Variants in SLAIN1 observed in about 807,000 individuals in gnomAD.
SLAIN1 encodes SLAIN family member 1.
In SLAIN1, 17 loss-of-function variants were observed where a neutral mutation model predicts 55.4. That is an observed-to-expected ratio of 0.31 (90% confidence interval 0.21 to 0.46). SLAIN1 has a LOEUF of 0.46. Among genes scored for constraint, SLAIN1 ranks in the 20% least tolerant of loss-of-function variants. SLAIN1 has a pLI of 1.00. For missense variants in SLAIN1, 682 were observed against 785.1 expected (o/e 0.87, Z 1.57); for synonymous variants, 348 against 337.4 (o/e 1.03, Z -0.35).
At chr13:77,702,163 A>G (rs977543889) in intron 1 of SLAIN1, among the ~76,000 whole-genome samples, 7 of 151,286 alleles carry the variant, frequency 4.6e-5, no homozygotes, top group South Asian at 2.1e-4. Flanking sequence ...AATCCAGTCT[A>G]TCATTGTTGG....
intron 2 of SLAIN1, among the ~76,000 whole-genome samples, chr13:77,739,143 T>G (rs1487028740): frequency 6.6e-6 from 1 of 152,084 alleles, no homozygotes; most frequent in Non-Finnish European, 1.5e-5. Flanking sequence ...TTCAGCAACT[T>G]AGTAGTTACT....
chr13:77,758,029 T>A (rs2154410970), intron 5 of SLAIN1, among the ~76,000 whole-genome samples: 1 of 152,276 alleles, frequency 6.6e-6, no homozygotes, highest in South Asian at 2.1e-4. Flanking sequence ...ATAGTGGGTC[T>A]ACTAATTTAC....
intron 1 of SLAIN1, among the ~76,000 whole-genome samples, chr13:77,708,424 T>C (rs2091111869): frequency 6.6e-6 from 1 of 152,046 alleles, no homozygotes; most frequent in African/African-American, 2.4e-5. Flanking sequence ...AGATGGTAGC[T>C]GAGAGGGATT....
At chr13:77,733,367 A>G (rs1872965023) in intron 2 of SLAIN1, among the ~76,000 whole-genome samples, 1 of 152,204 alleles carries the variant, frequency 6.6e-6, no homozygotes, top group African/African-American at 2.4e-5. Flanking sequence ...TAAAGATGGT[A>G]TATAAATCAT....
At position 77,763,630 on chromosome 13, in the gene SLAIN1, G is replaced by A. The variant is rs1050329339; in HGVS notation, c.*410G>A. On this transcript the variant is annotated 3_prime_UTR_variant, in exon 7 of 7. Transcript: ENST00000418532. Reference sequence around the variant, plus strand: ...TAATACATTGCATATTGACAACTAGGTTCTATAATGTATGCTTTGAAATTT... The same window carrying A: ...TAATACATTGCATATTGACAACTAGATTCTATAATGTATGCTTTGAAATTT... 6.3e-5 allele frequency: 10 copies of A among 157,534 alleles called. No homozygotes were observed. Among genetic ancestry groups the A allele is most frequent in the Admixed American group, 6.3e-4 (10 of 15,970 alleles). 9.8% of individuals were successfully genotyped at this position (157,534 alleles called of 1,614,324 possible). A position where few individuals can be genotyped will look rare whatever the true frequency, so the allele number is the denominator to read the frequency against.
rs191585623 is a variant in SLAIN1 at position 77,737,513 on chromosome 13, C to A, written c.767-6770C>A. On this transcript the variant is annotated intron_variant, in intron 2 of 6. Transcript: ENST00000418532. ...TATAGATATGAGACAGTGCAAAACC[C>A]AAACCTACCAACCTCTCCAGCCCTA... 3.0e-4 allele frequency among the ~76,000 whole-genome samples: 45 copies of A among 152,172 alleles called. No homozygotes were observed. The South Asian group carries it at 6.8e-3, about 23-fold the overall frequency.
chr13:77,723,932 TAA>T (rs10599579), intron 2 of SLAIN1, among the ~76,000 whole-genome samples: 17,808 of 145,766 alleles, frequency 0.12, 1,757 homozygotes, highest in African/African-American at 0.27. Context: ...TTTTGGAGAT[TAA>T]AAAAAAAAAA....
intron 1 of SLAIN1, among the ~76,000 whole-genome samples, chr13:77,711,999 C>T (rs114859323): frequency 0.012 from 1,841 of 152,196 alleles, 35 homozygotes; most frequent in African/African-American, 0.042. Context: ...CAGAAAAAGG[C>T]ATCGATAAAA....
intron 2 of SLAIN1, among the ~76,000 whole-genome samples, chr13:77,738,274 A>T (rs187992838): frequency 0.01 from 1,542 of 151,536 alleles, 27 homozygotes; most frequent in African/African-American, 0.033. Context: ...ATATATATAT[A>T]TTTTTTTCTC....
At chr13:77,763,087 G>C (rs997085084) in intron 6 of SLAIN1, 58 bp from the exon 7 acceptor site, 1 of 1,423,150 alleles carries the variant, frequency 7.0e-7, no homozygotes, top group African/African-American at 1.4e-5. Context: ...CAAAGTGAGT[G>C]ATGTGACTCA....
intron 2 of SLAIN1, among the ~76,000 whole-genome samples, chr13:77,723,584 T>C (rs1847429323): frequency 6.6e-6 from 1 of 152,180 alleles, no homozygotes; most frequent in Admixed American, 6.5e-5. Context: ...TTAGAAGGCA[T>C]TATTCCATTA....
Position 77,698,787 on chromosome 13 carries a change from C to A in SLAIN1, c.626+248C>A. The A allele has an allele frequency of 1.6e-6, 2 of 1,270,040 alleles. No individual in the cohort carries two copies. Among genetic ancestry groups the A allele is most frequent in the South Asian group, 1.7e-5 (1 of 57,944 alleles). The allele number at this position is 1,270,040 out of a possible 1,614,324, so 78.7% of individuals were successfully genotyped here. On this transcript the variant is annotated intron_variant, in intron 1 of 6. Transcript: ENST00000418532. The surrounding 1 kb of genome is among the most constrained non-coding windows in gnomAD (Gnocchi z 4.1). Reference sequence around the variant, plus strand: ...GGATGAACCGGCCCCCCCTTCCCCCCATCTGCCATGGGTTCTGCTATTTGC... The same window carrying A: ...GGATGAACCGGCCCCCCCTTCCCCCAATCTGCCATGGGTTCTGCTATTTGC...
At chr13:77,712,812 C>T (rs1009836767) in intron 1 of SLAIN1, among the ~76,000 whole-genome samples, 4 of 152,188 alleles carry the variant, frequency 2.6e-5, no homozygotes, top group Non-Finnish European at 5.9e-5. Flanking sequence ...TCAAACTCTA[C>T]TACAAAGCTA....
chr13:77,703,299 A>T (rs868342669), intron 1 of SLAIN1, among the ~76,000 whole-genome samples: 1 of 152,112 alleles, frequency 6.6e-6, no homozygotes, highest in African/African-American at 2.4e-5. Context: ...TAATACCAAG[A>T]CCCCAGACAG....
rs551140414 is a variant in SLAIN1, at chr13:77,713,941, A to G, written c.627-5591A>G. Among the ~76,000 whole-genome samples, 21 of 151,512 alleles carry G rather than the reference A, an allele frequency of 1.4e-4. No individual in the cohort carries two copies. In the South Asian group the frequency reaches 4.0e-3, roughly 29 times the overall value. On this transcript the variant is annotated intron_variant, in intron 1 of 6. Transcript: ENST00000418532. ...ACAGGAACAGAAAACCAAACACTGC[A>G]TGTTCTCACTCATAGGTGGGAGTTG...
intron 1 of SLAIN1, among the ~76,000 whole-genome samples, chr13:77,716,920 A>T (rs1367966979): frequency 2.0e-5 from 3 of 152,148 alleles, no homozygotes; most frequent in Admixed American, 1.3e-4. Context: ...AGAAGCGATG[A>T]GAGCCAATGT....
intron 5 of SLAIN1, among the ~76,000 whole-genome samples, chr13:77,759,031 G>A (rs1874815242): frequency 6.6e-6 from 1 of 152,104 alleles, no homozygotes; most frequent in Non-Finnish European, 1.5e-5. Flanking sequence ...GGGCAGTATG[G>A]TCATTTTCAC....
intron 1 of SLAIN1, among the ~76,000 whole-genome samples, chr13:77,713,413 T>A (rs1307684731): frequency 6.6e-6 from 1 of 151,926 alleles, no homozygotes; most frequent in Non-Finnish European, 1.5e-5. Flanking sequence ...CCAGCAAACA[T>A]GAAAAAAAGC....
chr13:77,731,325 G>A (rs974733106), intron 2 of SLAIN1, among the ~76,000 whole-genome samples: 9 of 152,034 alleles, frequency 5.9e-5, no homozygotes, highest in Non-Finnish European at 1.0e-4. Context: ...AATTAATATT[G>A]TCTTTAAAGT....
Sources: allele counts gnomAD v4.1 joint callset (sites outside exome capture counted in the v4.1 genomes callset), GRCh38; gene constraint gnomAD v4.1.1; non-coding constraint Gnocchi (gnomAD v3.1); transcripts MANE v1.5; gene names NCBI Gene and HGNC (gene_info 2026-07-23, HGNC 2026-07-21).